Variants in RORB observed in about 807,000 individuals in gnomAD.
The protein encoded by RORB is nuclear receptor ROR-beta.
RORB carries 6 observed loss-of-function variants against 59.1 expected under a neutral mutation model. The ratio of observed to expected loss-of-function variants is 0.10; its 90% CI spans 0.06 to 0.20. The LOEUF is 0.20. RORB is among the 10% of genes least tolerant of loss of function. The pLI, the probability that RORB is intolerant of heterozygous loss-of-function variation, is 1.00. For missense variants in RORB, 320 were observed against 560.5 expected, an observed-to-expected ratio of 0.57 and a Z score of 4.33; for synonymous variants, 215 against 204.5, an observed-to-expected ratio of 1.05 and a Z score of -0.44.
chr9:74,591,052 C>T (rs1286255978), intron 1 of RORB, among the ~76,000 whole-genome samples: 4 of 152,218 alleles, frequency 2.6e-5, no homozygotes, highest in Non-Finnish European at 5.9e-5. Context: ...ACATCAGCCT[C>T]CCAAAGTGCT....
intron 1 of RORB, among the ~76,000 whole-genome samples, chr9:74,530,411 C>T (rs1403346190): frequency 2.6e-5 from 4 of 151,962 alleles, no homozygotes. Flanking sequence ...CTTCGCATTG[C>T]TTTCTGCAAG....
chr9:74,661,728 T>C (rs1344570652), intron 5 of RORB, among the ~76,000 whole-genome samples: 1 of 131,156 alleles, frequency 7.6e-6, no homozygotes, highest in Admixed American at 9.3e-5. Context: ...CACTGCAAGC[T>C]CCACCTCCCA....
At chr9:74,584,714 ATTGT>A (rs1330815527) in intron 1 of RORB, among the ~76,000 whole-genome samples, 2 of 152,152 alleles carry the variant, frequency 1.3e-5, no homozygotes, top group East Asian at 1.9e-4. Context: ...ATTTGAAGTC[ATTGT>A]TTGTTGGTAT....
intron 8 of RORB, 58 bp downstream of exon 8, chr9:74,667,959 C>A: frequency 2.0e-6 from 2 of 1,005,568 alleles, no homozygotes; most frequent in Non-Finnish European, 3.2e-6. Context: ...ATTTTTAACA[C>A]TGATGACACC....
At chr9:74,499,263 T>C (rs978939313) in intron 1 of RORB, 2 of 151,902 alleles carry the variant, frequency 1.3e-5, no homozygotes, top group Admixed American at 6.6e-5. Context: ...CTTGGGAGAG[T>C]TGGGATGCAA....
At chr9:74,552,554 A>G (rs1826627733) in intron 1 of RORB, among the ~76,000 whole-genome samples, 2 of 152,170 alleles carry the variant, frequency 1.3e-5, no homozygotes, top group South Asian at 4.1e-4. Context: ...TGTAATATGC[A>G]CAACATAAGT....
intron 1 of RORB, among the ~76,000 whole-genome samples, chr9:74,510,741 A>G (rs1381083764): frequency 6.6e-6 from 1 of 152,176 alleles, no homozygotes; most frequent in African/African-American, 2.4e-5. Flanking sequence ...CCACACTTCA[A>G]AAAATTGTAC....
chr9:74,533,660 A>C (rs1307838327), intron 1 of RORB, among the ~76,000 whole-genome samples: 1 of 152,080 alleles, frequency 6.6e-6, no homozygotes, highest in Non-Finnish European at 1.5e-5. Flanking sequence ...AGGGCTGAGC[A>C]TCAGTCCAGA....
chr9:74,580,259 C>A (rs1230771608), intron 1 of RORB, among the ~76,000 whole-genome samples: 1 of 152,106 alleles, frequency 6.6e-6, no homozygotes, highest in Non-Finnish European at 1.5e-5. Flanking sequence ...ATGAGGAAGT[C>A]ATCAGCCAGT....
At chr9:74,513,483 T>C (rs1014144418) in intron 1 of RORB, among the ~76,000 whole-genome samples, 29 of 152,220 alleles carry the variant, frequency 1.9e-4, no homozygotes, top group African/African-American at 7.0e-4. Context: ...GTGATTTTTA[T>C]CAATTGTGTT....
chr9:74,613,921 G>A (rs1823271427), intron 1 of RORB, among the ~76,000 whole-genome samples: 1 of 152,132 alleles, frequency 6.6e-6, no homozygotes, highest in African/African-American at 2.4e-5. Flanking sequence ...TTATTTTTAT[G>A]GCTGTGTAGT....
At chr9:74,524,751 CT>C (rs1284135345) in intron 1 of RORB, among the ~76,000 whole-genome samples, 1 of 151,560 alleles carries the variant, frequency 6.6e-6, no homozygotes, top group Admixed American at 6.6e-5. Context: ...TAATATTTGT[CT>C]TTTTTTATGT....
chr9:74,556,367 TTTC>T, intron 1 of RORB, among the ~76,000 whole-genome samples: 1 of 152,230 alleles, frequency 6.6e-6, no homozygotes, highest in South Asian at 2.1e-4. Flanking sequence ...AAAATGAGCC[TTTC>T]AAAAGGAACT....
chr9:74,548,396 T>C (rs969700933), intron 1 of RORB, among the ~76,000 whole-genome samples: 1 of 152,238 alleles, frequency 6.6e-6, no homozygotes, highest in Non-Finnish European at 1.5e-5. Context: ...TTGAGAAGTA[T>C]GAGAAAACTA....
intron 1 of RORB, among the ~76,000 whole-genome samples, chr9:74,504,730 C>T (rs1415197097): frequency 2.0e-5 from 3 of 151,962 alleles, no homozygotes; most frequent in Non-Finnish European, 4.4e-5. Flanking sequence ...TCTTACTACC[C>T]TACGTATTAC....
chr9:74,612,915 T>C (rs932265633), intron 1 of RORB, among the ~76,000 whole-genome samples: 2 of 152,198 alleles, frequency 1.3e-5, no homozygotes, highest in Non-Finnish European at 2.9e-5. Flanking sequence ...ATCTTCTAAG[T>C]TAGAATTTTA....
intron 1 of RORB, among the ~76,000 whole-genome samples, chr9:74,539,442 A>C (rs1826371109): frequency 6.6e-6 from 1 of 152,172 alleles, no homozygotes; most frequent in South Asian, 2.1e-4. Context: ...TAAAAGAAAC[A>C]AAATGTCATG....
chr9:74,587,566 A>C (rs1479493124), intron 1 of RORB, among the ~76,000 whole-genome samples: 1 of 152,178 alleles, frequency 6.6e-6, no homozygotes, highest in African/African-American at 2.4e-5. Context: ...GAGTCAGTTT[A>C]GCTGATCTCT....
intron 1 of RORB, among the ~76,000 whole-genome samples, chr9:74,512,622 CA>C (rs1400487589): frequency 2.0e-5 from 3 of 152,172 alleles, no homozygotes; most frequent in Non-Finnish European, 4.4e-5. Flanking sequence ...TGCTGTTAAA[CA>C]TCCTGCAATA....
Sources: gnomAD v4.1 joint callset for allele counts (sites outside exome capture counted in the v4.1 genomes callset) on GRCh38, gnomAD v4.1.1 for gene constraint, MANE v1.5 for transcripts, NCBI Gene and HGNC (gene_info 2026-07-23, HGNC 2026-07-21) for gene names.